The following CNTLN variants were observed in gnomAD, a reference collection of about 807,000 sequenced individuals.
CNTLN encodes the protein centlein, centrosomal protein.
CNTLN carries 212 observed loss-of-function variants against 180.0 expected under a neutral mutation model. The ratio of observed to expected loss-of-function variants is 1.18; its 90% CI spans 1.05 to 1.32. The LOEUF (loss-of-function observed/expected upper bound fraction) is 1.32. CNTLN is among the 40% of genes most tolerant of loss of function. The pLI is 0.00. For synonymous variants in CNTLN, 722 were observed against 563.1 expected, an observed-to-expected ratio of 1.28 and a Z score of -3.99; for missense variants, 2,095 against 1,610.9, an observed-to-expected ratio of 1.30 and a Z score of -5.14.
At chr9:17,181,619 C>T (rs1821129413) in intron 2 of CNTLN, among the ~76,000 whole-genome samples, 1 of 152,210 alleles carries the variant, frequency 6.6e-6, no homozygotes, top group South Asian at 2.1e-4. Context: ...TTGGGTATTA[C>T]ATTATGAACT....
rs183994161 is a variant in CNTLN, at chr9:17,337,906, T to C, written c.1645-2921T>C. Among the ~76,000 whole-genome samples, 755 of 152,242 alleles carry C rather than the reference T, an allele frequency of 5.0e-3. 4 individuals carry two copies. The highest frequency in any genetic ancestry group is 0.017 in the African/African-American group (703 of 41,546). Reference sequence around the variant, plus strand: ...GTTTCTGATGACTCTAACAAAAAACTTTAGTCATTCCCCAAACAGTTTATA... The same window carrying C: ...GTTTCTGATGACTCTAACAAAAAACCTTAGTCATTCCCCAAACAGTTTATA... On this transcript the variant is annotated intron_variant, in intron 10 of 25. Transcript: ENST00000380647.
chr9:17,324,119 C>T (rs575353413), intron 8 of CNTLN, among the ~76,000 whole-genome samples: 1 of 152,082 alleles, frequency 6.6e-6, no homozygotes, highest in African/African-American at 2.4e-5. Context: ...CTTGCTTATA[C>T]CATTAATGCA....
chr9:17,232,812 T>C (rs1824896029), intron 3 of CNTLN, among the ~76,000 whole-genome samples: 1 of 151,918 alleles, frequency 6.6e-6, no homozygotes, highest in Non-Finnish European at 1.5e-5. Context: ...TACAAAATAC[T>C]GAGATAGTAA....
chr9:17,426,602 T>C (rs1217313378), intron 18 of CNTLN, among the ~76,000 whole-genome samples: 2 of 151,922 alleles, frequency 1.3e-5, no homozygotes, highest in Non-Finnish European at 2.9e-5. Context: ...TAGAATCTTT[T>C]TTATGAACTC....
At chr9:17,255,097 C>A (rs1460862727) in intron 5 of CNTLN, among the ~76,000 whole-genome samples, 1 of 151,648 alleles carries the variant, frequency 6.6e-6, no homozygotes, top group African/African-American at 2.4e-5. Flanking sequence ...TGTATAGAAT[C>A]TTAAGGTTTT....
At chr9:17,345,744 C>G (rs1326953021) in intron 12 of CNTLN, among the ~76,000 whole-genome samples, 1 of 152,010 alleles carries the variant, frequency 6.6e-6, no homozygotes, top group East Asian at 1.9e-4. Flanking sequence ...ATAGGTTTTG[C>G]TTCAACTGTC....
chr9:17,245,238 G>A (rs1825730028), intron 5 of CNTLN, among the ~76,000 whole-genome samples: 1 of 151,546 alleles, frequency 6.6e-6, no homozygotes, highest in African/African-American at 2.4e-5. Flanking sequence ...GACAGATTTG[G>A]TATTGATGTA....
chr9:17,183,143 A>C (rs1454498437), intron 2 of CNTLN, among the ~76,000 whole-genome samples: 1 of 152,202 alleles, frequency 6.6e-6, no homozygotes, highest in Non-Finnish European at 1.5e-5. Flanking sequence ...TCTAGTAGTT[A>C]AGTGTGGACC....
intron 8 of CNTLN, among the ~76,000 whole-genome samples, chr9:17,328,974 C>G (rs1302892523): frequency 6.6e-6 from 1 of 151,732 alleles, no homozygotes; most frequent in East Asian, 1.9e-4. Flanking sequence ...TTGTTAATGT[C>G]TTATATTTGA....
Position 17,285,345 on chromosome 9 carries a change from T to G in CNTLN, c.983+11479T>G, listed in dbSNP as rs373751348. On this transcript the variant is annotated intron_variant, in intron 6 of 25. Coordinates refer to ENST00000380647, the MANE Select transcript of CNTLN (RefSeq NM_017738.4). ...CAAAGGACACGAACTCATCATTTTT[T>G]ATGGCTGCATAGTATTCCATGGTGT... 0.016 allele frequency among the ~76,000 whole-genome samples: 2,415 copies of G among 149,134 alleles called. 82 individuals carry two copies. In the East Asian group the frequency reaches 0.22, roughly 13 times the overall value.
chr9:17,287,146 T>C (rs1217467795), intron 6 of CNTLN, among the ~76,000 whole-genome samples: 4 of 141,746 alleles, frequency 2.8e-5, no homozygotes, highest in African/African-American at 1.1e-4. Context: ...TGTGGGTTTG[T>C]CATAGATAGC....
intron 4 of CNTLN, 91 bp from the exon 5 acceptor site, chr9:17,236,318 C>A: frequency 9.2e-7 from 1 of 1,086,936 alleles, no homozygotes; most frequent in Non-Finnish European, 1.3e-6. Context: ...TAAAACTGCA[C>A]AGTTTGTATT....
chr9:17,481,414 G>A (rs1156413860), intron 23 of CNTLN, among the ~76,000 whole-genome samples: 9 of 152,180 alleles, frequency 5.9e-5, no homozygotes, highest in African/African-American at 1.7e-4. Flanking sequence ...CCAGCCTGTA[G>A]CCCCACTTAA....
chr9:17,466,885 TG>T lies in CNTLN; in HGVS notation c.3850del (p.Val1284Ter), dbSNP rs1364744570. 5 of 1,607,488 alleles carry T rather than the reference TG, an allele frequency of 3.1e-6. No homozygotes were observed. Among genetic ancestry groups the T allele is most frequent in the Non-Finnish European group, 4.3e-6 (5 of 1,176,004 alleles). On this transcript the variant is annotated frameshift_variant, in exon 23 of 26. Coordinates refer to ENST00000380647, the MANE Select transcript of CNTLN (RefSeq NM_017738.4). LOFTEE classifies it high-confidence loss of function. Reference sequence around the variant, plus strand: ...AAAAAGTAGAAGAGTTCACCACATTTGTGAAGGTTTGAATTACTTGTCGTTT... The same window carrying T: ...AAAAAGTAGAAGAGTTCACCACATTTTGAAGGTTTGAATTACTTGTCGTTT... ...NEKVEEFTTF[V>X]KALAKELQND...
intron 3 of CNTLN, among the ~76,000 whole-genome samples, chr9:17,229,161 G>C (rs1262090903): frequency 1.3e-5 from 2 of 152,062 alleles, no homozygotes; most frequent in African/African-American, 2.4e-5. Flanking sequence ...AGTAAGGAGA[G>C]AGTACAATGC....
At chr9:17,522,140 T>C in the CNTLN span, among the ~76,000 whole-genome samples, 1 of 152,154 alleles carries the variant, frequency 6.6e-6, no homozygotes, top group Non-Finnish European at 1.5e-5. Flanking sequence ...TAGGACTACC[T>C]AGCTCCCAGG....
chr9:17,185,607 G>A (rs1484441561), intron 2 of CNTLN, among the ~76,000 whole-genome samples: 1 of 152,042 alleles, frequency 6.6e-6, no homozygotes, highest in African/African-American at 2.4e-5. Flanking sequence ...AATGACGGGT[G>A]GGATCTACTA....
intron 7 of CNTLN, chr9:17,301,813 T>C (rs1818375571): frequency 1.0e-6 from 1 of 981,502 alleles, no homozygotes; most frequent in African/African-American, 1.8e-5. Flanking sequence ...TCTTTTATAA[T>C]TCCATCTCCC....
intron 12 of CNTLN, among the ~76,000 whole-genome samples, chr9:17,362,885 C>A (rs1336375481): frequency 1.3e-5 from 2 of 152,084 alleles, no homozygotes; most frequent in African/African-American, 4.8e-5. Flanking sequence ...CTATCCCTCC[C>A]CTAGTCCCCC....
Sources: gnomAD v4.1 joint callset for allele counts (sites outside exome capture counted in the v4.1 genomes callset) on GRCh38, gnomAD v4.1.1 for gene constraint, MANE v1.5 for transcripts, NCBI Gene and HGNC (gene_info 2026-07-23, HGNC 2026-07-21) for gene names.